RIMS2: variants seen among roughly 807,000 people sequenced by gnomAD.
RIMS2 encodes regulating synaptic membrane exocytosis protein 2.
Under a neutral mutation model 174.4 loss-of-function variants are expected in RIMS2, and 59 were observed. The ratio of observed to expected loss-of-function variants is 0.34; its 90% CI spans 0.27 to 0.42. The LOEUF is 0.42. Ranked by LOEUF, RIMS2 falls within the 10% of genes least tolerant of loss-of-function variation. The pLI is 1.00. For missense variants in RIMS2, 1,620 were observed against 1,666.3 expected (o/e 0.97, Z 0.48); for synonymous variants, 606 against 572.5 (o/e 1.06, Z -0.84).
chr8:104,003,175 G>C (rs2095451830), intron 17 of RIMS2, among the ~76,000 whole-genome samples: 1 of 152,112 alleles, frequency 6.6e-6, no homozygotes, highest in Non-Finnish European at 1.5e-5. Flanking sequence ...TGGGCAGCTA[G>C]ATTTTTATGT....
At chr8:104,069,785 C>G (rs2097167371) in intron 19 of RIMS2, among the ~76,000 whole-genome samples, 1 of 151,960 alleles carries the variant, frequency 6.6e-6, no homozygotes, top group East Asian at 1.9e-4. Flanking sequence ...TTCTTGTACT[C>G]CATTACCTTT....
At chr8:104,097,806 A>T (rs781185066) in intron 19 of RIMS2, among the ~76,000 whole-genome samples, 7 of 152,172 alleles carry the variant, frequency 4.6e-5, no homozygotes, top group Non-Finnish European at 7.4e-5. Context: ...TCTAAGTTTT[A>T]TGAAGCATGG....
At chr8:104,161,949 A>G (rs539908511) in intron 19 of RIMS2, among the ~76,000 whole-genome samples, 1 of 152,298 alleles carries the variant, frequency 6.6e-6, no homozygotes, top group South Asian at 2.1e-4. Flanking sequence ...AATCTCTCTG[A>G]CTATCCATTC....
At chr8:104,091,513 TA>T (rs899514926) in intron 19 of RIMS2, among the ~76,000 whole-genome samples, 112 of 151,212 alleles carry the variant, frequency 7.4e-4, no homozygotes, top group African/African-American at 2.5e-3. Context: ...CCAAAAAACA[TA>T]TAAGTAAAAT....
chr8:103,591,777 G>C (rs1229569520), intron 1 of RIMS2, among the ~76,000 whole-genome samples: 1 of 151,056 alleles, frequency 6.6e-6, no homozygotes, highest in Non-Finnish European at 1.5e-5. Context: ...TTATGTCAGT[G>C]CCACACTGCC....
intron 1 of RIMS2, among the ~76,000 whole-genome samples, chr8:103,639,994 T>G (rs192022934): frequency 6.6e-6 from 1 of 152,080 alleles, no homozygotes; most frequent in African/African-American, 2.4e-5. Flanking sequence ...CGTATTTATT[T>G]AAATTTTCTT....
chr8:103,976,071 G>A (rs1268578270), intron 16 of RIMS2: 1 of 152,178 alleles, frequency 6.6e-6, no homozygotes, highest in East Asian at 1.9e-4. Flanking sequence ...TACTTTACCA[G>A]CCTAGGCTTC....
intron 19 of RIMS2, among the ~76,000 whole-genome samples, chr8:104,239,383 A>AT (rs147521329): frequency 0.012 from 1,771 of 152,186 alleles, 32 homozygotes; most frequent in African/African-American, 0.041. Context: ...CAAGAACTTG[A>AT]TTTTTACCTG....
At chr8:104,042,560 A>G (rs1007236500) in intron 19 of RIMS2, among the ~76,000 whole-genome samples, 2 of 151,642 alleles carry the variant, frequency 1.3e-5, no homozygotes, top group Non-Finnish European at 3.0e-5. Flanking sequence ...TGTAGAACCT[A>G]CAAGTCCTGG....
intron 1 of RIMS2, among the ~76,000 whole-genome samples, chr8:103,597,897 G>T (rs187435470): frequency 6.6e-6 from 1 of 152,144 alleles, no homozygotes; most frequent in Non-Finnish European, 1.5e-5. Context: ...AAATTGAAAA[G>T]AATAGGCTAT....
chr8:104,094,853 T>C, intron 19 of RIMS2: 1 of 559,222 alleles, frequency 1.8e-6, no homozygotes, highest in Non-Finnish European at 3.1e-6. Flanking sequence ...GCTTCTAATA[T>C]TACTAATTAA....
intron 3 of RIMS2, among the ~76,000 whole-genome samples, chr8:103,876,904 A>G (rs1199098135): frequency 3.8e-5 from 3 of 79,148 alleles, no homozygotes; most frequent in African/African-American, 1.3e-4. Flanking sequence ...ATATATATAT[A>G]TATATACACA....
At chr8:104,205,912 C>G (rs1003031303) in intron 19 of RIMS2, among the ~76,000 whole-genome samples, 2 of 151,988 alleles carry the variant, frequency 1.3e-5, no homozygotes, top group Non-Finnish European at 2.9e-5. Context: ...TGCACCATCA[C>G]GCCCGGCTGA....
chr8:103,994,524 T>C (rs912239172), intron 17 of RIMS2, among the ~76,000 whole-genome samples: 2 of 152,206 alleles, frequency 1.3e-5, no homozygotes, highest in Non-Finnish European at 2.9e-5. Flanking sequence ...CTATGCATAC[T>C]TATTGCTCAA....
At position 103,585,801 on chromosome 8, in the gene RIMS2, C is replaced by A. The variant is rs118026380; in HGVS notation, c.176+84739C>A. ...CATGCGGGGCTTAAAAACTGGATGA[C>A]AGGCTGACAGGTGCAGCATACCACC... On this transcript the variant is annotated intron_variant, in intron 1 of 23. Transcript: ENST00000504942. Among the ~76,000 whole-genome samples the A allele has an allele frequency of 5.8e-3, 874 of 151,706 alleles. 6 individuals carry two copies. The highest frequency in any genetic ancestry group is 9.8e-3 in the Non-Finnish European group (663 of 67,894).
intron 2 of RIMS2, among the ~76,000 whole-genome samples, chr8:103,745,742 T>C (rs1371086965): frequency 1.3e-5 from 2 of 152,234 alleles, no homozygotes; most frequent in Non-Finnish European, 2.9e-5. Context: ...TTACTTCTTA[T>C]GCTTTTTGGC....
intron 11 of RIMS2, 73 bp from the exon 14 acceptor site, chr8:103,931,190 A>G (rs1206188463): frequency 6.3e-6 from 7 of 1,118,322 alleles, no homozygotes; most frequent in Non-Finnish European, 9.2e-6. Context: ...GAATGGGGTG[A>G]AGATTGGAAA....
chr8:104,181,199 A>G (rs117640467), intron 19 of RIMS2, among the ~76,000 whole-genome samples: 2,873 of 151,764 alleles, frequency 0.019, 37 homozygotes, highest in Middle Eastern at 0.041. Context: ...ACTCACTTTG[A>G]CCAAATAACC....
intron 19 of RIMS2, among the ~76,000 whole-genome samples, chr8:104,092,771 G>C (rs932526166): frequency 2.0e-5 from 3 of 151,696 alleles, no homozygotes; most frequent in Middle Eastern, 3.2e-3. Context: ...GTTAAATTTT[G>C]TCCATTAGTT....
Sources: gnomAD v4.1 joint callset for allele counts (sites outside exome capture counted in the v4.1 genomes callset) on GRCh38, gnomAD v4.1.1 for gene constraint, MANE v1.5 for transcripts, NCBI Gene and HGNC (gene_info 2026-07-23, HGNC 2026-07-21) for gene names.